Variants in CTNNA3 observed in about 807,000 individuals in gnomAD.
CTNNA3 encodes the protein catenin alpha-3.
CTNNA3 carries 76 observed loss-of-function variants against 95.7 expected under a neutral mutation model. The ratio of observed to expected loss-of-function variants is 0.79; its 90% CI spans 0.66 to 0.96. The LOEUF (loss-of-function observed/expected upper bound fraction) is 0.96, where lower values mean the gene tolerates loss of function less well. CTNNA3 is among the 40% of genes least tolerant of loss of function. The pLI is 0.00. For synonymous variants in CTNNA3, 431 were observed against 374.4 expected (o/e 1.15, Z -1.74); for missense variants, 1,191 against 1,089.8 (o/e 1.09, Z -1.31).
chr10:67,735,818 G>A (rs547650216), intron 1 of CTNNA3, among the ~76,000 whole-genome samples: 15 of 152,114 alleles, frequency 9.9e-5, no homozygotes, highest in Non-Finnish European at 1.9e-4. Flanking sequence ...ATATACCCAA[G>A]AGAATACCTG....
chr10:67,638,334 T>C (rs1839398683), intron 2 of CTNNA3, among the ~76,000 whole-genome samples: 1 of 152,140 alleles, frequency 6.6e-6, no homozygotes, highest in Non-Finnish European at 1.5e-5. Context: ...ATGCACCCAA[T>C]ACAGGAGCAC....
intron 11 of CTNNA3, among the ~76,000 whole-genome samples, chr10:66,465,636 G>A (rs113548559): frequency 2.6e-5 from 4 of 152,154 alleles, no homozygotes; most frequent in African/African-American, 9.6e-5. Flanking sequence ...TTGAGAATCA[G>A]ACTCAGGAAG....
intron 5 of CTNNA3, among the ~76,000 whole-genome samples, chr10:67,403,858 G>A (rs1845024581): frequency 6.6e-6 from 1 of 152,188 alleles, no homozygotes; most frequent in African/African-American, 2.4e-5. Flanking sequence ...TGAGAGGAAG[G>A]GGCAGGCTGC....
intron 5 of CTNNA3, among the ~76,000 whole-genome samples, chr10:67,274,085 A>C (rs1175184808): frequency 6.6e-6 from 1 of 152,204 alleles, no homozygotes; most frequent in Non-Finnish European, 1.5e-5. Flanking sequence ...AATAACTATA[A>C]ATTAAAAGCA....
intron 7 of CTNNA3, among the ~76,000 whole-genome samples, chr10:67,038,826 C>T (rs991600460): frequency 5.3e-5 from 8 of 151,742 alleles, no homozygotes; most frequent in African/African-American, 1.9e-4. Context: ...AAAGTAAATG[C>T]ATAAAATGAA....
intron 11 of CTNNA3, among the ~76,000 whole-genome samples, chr10:66,449,263 C>A (rs565646562): frequency 6.6e-6 from 1 of 152,078 alleles, no homozygotes; most frequent in South Asian, 2.1e-4. Flanking sequence ...CGGGAAAAAT[C>A]ACTGAAAACT....
chr10:66,702,521 A>G (rs140663258), intron 9 of CTNNA3, among the ~76,000 whole-genome samples: 1 of 151,952 alleles, frequency 6.6e-6, no homozygotes, highest in East Asian at 1.9e-4. Flanking sequence ...CCTGACCAAC[A>G]TGGTGAAACC....
At chr10:66,804,015 T>A (rs1047448743) in intron 7 of CTNNA3, among the ~76,000 whole-genome samples, 4 of 151,774 alleles carry the variant, frequency 2.6e-5, no homozygotes, top group Non-Finnish European at 5.9e-5. Flanking sequence ...TTGGTTTTCA[T>A]CTGTTGCCAC....
chr10:67,661,730 G>T (rs1840196675), intron 1 of CTNNA3, among the ~76,000 whole-genome samples: 1 of 151,978 alleles, frequency 6.6e-6, no homozygotes, highest in African/African-American at 2.4e-5. Flanking sequence ...AAAAAAAATT[G>T]AAAAGACATC....
intron 13 of CTNNA3, among the ~76,000 whole-genome samples, chr10:66,140,191 G>A (rs1189100685): frequency 6.6e-6 from 1 of 152,182 alleles, no homozygotes; most frequent in East Asian, 1.9e-4. Context: ...CCTATTAGTT[G>A]TTCCTCATCC....
intron 5 of CTNNA3, among the ~76,000 whole-genome samples, chr10:67,499,126 TGA>T (rs548610434): frequency 2.1e-3 from 313 of 152,306 alleles, no homozygotes; most frequent in Middle Eastern, 6.8e-3. Flanking sequence ...CCTAGTTTAT[TGA>T]GAGTTATTAG....
At position 67,390,307 on chromosome 10, in the gene CTNNA3, G is replaced by A. The variant is rs1168999294; in HGVS notation, c.579+131535C>T. The stretch of plus-strand genomic sequence containing the variant: ...TGCAAATAAACTAGAAAATCTAGAA[G>A]AAATGGATAAATTCCTCGACACATA... On this transcript the variant is annotated intron_variant, in intron 5 of 17. Coordinates refer to ENST00000433211, the MANE Select transcript of CTNNA3 (RefSeq NM_013266.4). Among the ~76,000 whole-genome samples the A allele has an allele frequency of 4.6e-5, 7 of 152,194 alleles. No individual in the cohort carries two copies. The East Asian group carries it at 1.3e-3, about 29-fold the overall frequency.
At chr10:66,537,077 A>G (rs752068487) in intron 10 of CTNNA3, among the ~76,000 whole-genome samples, 1 of 152,152 alleles carries the variant, frequency 6.6e-6, no homozygotes, top group Non-Finnish European at 1.5e-5. Flanking sequence ...TACATAAAAT[A>G]TATAACTATG....
At chr10:67,322,807 C>G (rs1428444865) in intron 5 of CTNNA3, among the ~76,000 whole-genome samples, 3 of 152,192 alleles carry the variant, frequency 2.0e-5, no homozygotes, top group Non-Finnish European at 4.4e-5. Flanking sequence ...ACACCATCTT[C>G]CACAATGGTC....
chr10:67,139,967 G>A lies in CTNNA3; in HGVS notation c.1047+40350C>T, dbSNP rs201920412. The stretch of plus-strand genomic sequence containing the variant: ...TTATGGAATTTCTAAGCCTACATTA[G>A]ACACTTGCAACTTTGATCTGTCTAT... On this transcript the variant is annotated intron_variant, in intron 7 of 17. Coordinates refer to ENST00000433211, the MANE Select transcript of CTNNA3 (RefSeq NM_013266.4). 9.2e-5 allele frequency among the ~76,000 whole-genome samples: 14 copies of A among 152,240 alleles called. No individual in the cohort carries two copies. The East Asian group carries it at 2.3e-3, about 25-fold the overall frequency.
At chr10:67,085,772 AC>A (rs1337873660) in intron 7 of CTNNA3, among the ~76,000 whole-genome samples, 1 of 151,974 alleles carries the variant, frequency 6.6e-6, no homozygotes, top group Non-Finnish European at 1.5e-5. Context: ...GAATTTTCAA[AC>A]TTTTACTAAT....
chr10:67,496,414 C>G (rs1476661760), intron 5 of CTNNA3, among the ~76,000 whole-genome samples: 1 of 152,086 alleles, frequency 6.6e-6, no homozygotes, highest in African/African-American at 2.4e-5. Flanking sequence ...ATTTACTACA[C>G]TATCTCATTA....
chr10:66,537,224 C>G (rs1425303245), intron 10 of CTNNA3, among the ~76,000 whole-genome samples: 1 of 152,082 alleles, frequency 6.6e-6, no homozygotes, highest in Non-Finnish European at 1.5e-5. Context: ...AGCTCCTGCA[C>G]AAAAACTGAT....
intron 10 of CTNNA3, among the ~76,000 whole-genome samples, chr10:66,556,625 G>A (rs1842398380): frequency 6.6e-6 from 1 of 151,912 alleles, no homozygotes; most frequent in South Asian, 2.1e-4. Flanking sequence ...GACATATACA[G>A]AAAGCAAAAT....
Sources: gnomAD v4.1 joint callset for allele counts (sites outside exome capture counted in the v4.1 genomes callset) on GRCh38, gnomAD v4.1.1 for gene constraint, MANE v1.5 for transcripts, NCBI Gene and HGNC (gene_info 2026-07-23, HGNC 2026-07-21) for gene names.